Variants in LANCL2 observed in about 807,000 individuals in gnomAD.
LANCL2 encodes LanC like glutathione S-transferase 2.
A neutral mutation model predicts 56.9 loss-of-function variants in LANCL2; 33 were observed. The observed-to-expected ratio is 0.58, with a 90% CI of 0.44 to 0.78. LANCL2 has a LOEUF of 0.78. Ranked by LOEUF, LANCL2 falls within the 30% of genes least tolerant of loss-of-function variation. The probability of loss-of-function intolerance (pLI) is 0.00; values close to 1 mark genes in which losing one functional copy is unlikely to be tolerated. For missense variants in LANCL2, 562 were observed against 580.2 expected (o/e 0.97, Z 0.32); for synonymous variants, 233 against 228.2 (o/e 1.02, Z -0.19).
intron 7 of LANCL2, 72 bp downstream of exon 7, chr7:55,425,502 A>C: frequency 2.9e-6 from 4 of 1,383,192 alleles, no homozygotes; most frequent in Non-Finnish European, 4.1e-6. Flanking sequence ...CCAGAAGTAC[A>C]ACTCCTGTTC....
rs372759179 is a variant in LANCL2 at position 55,430,110 on chromosome 7, T to C, written c.1259-1116T>C. Among the ~76,000 whole-genome samples, 28 of 152,360 alleles carry C rather than the reference T, an allele frequency of 1.8e-4. No individual in the cohort carries two copies. The East Asian group carries it at 3.7e-3, about 20-fold the overall frequency. Reference sequence around the variant, plus strand: ...TCCCCGCAGGGCCTGCTGTAGGGCCTCCTAGGCTTGTTATGGGTCCCTGTT... The same window carrying C: ...TCCCCGCAGGGCCTGCTGTAGGGCCCCCTAGGCTTGTTATGGGTCCCTGTT... On this transcript the variant is annotated intron_variant, in intron 8 of 8. Transcript: ENST00000254770.
At chr7:55,417,041 A>G (rs759505785) in intron 6 of LANCL2, among the ~76,000 whole-genome samples, 13 of 129,114 alleles carry the variant, frequency 1.0e-4, no homozygotes, top group Non-Finnish European at 1.8e-4. Flanking sequence ...GTGCAGTGGC[A>G]CGATCTCTGC....
chr7:55,420,032 C>G (rs763519495), intron 6 of LANCL2, among the ~76,000 whole-genome samples: 7 of 151,948 alleles, frequency 4.6e-5, no homozygotes, highest in Non-Finnish European at 7.4e-5. Flanking sequence ...CCACTGCACT[C>G]TAGCCTAGGT....
intron 6 of LANCL2, among the ~76,000 whole-genome samples, chr7:55,422,379 C>T (rs914152528): frequency 6.6e-6 from 1 of 152,114 alleles, no homozygotes; most frequent in Non-Finnish European, 1.5e-5. Flanking sequence ...CAAGGTCATT[C>T]TTTGCACTAT....
At chr7:55,431,115 C>A in intron 8 of LANCL2, 111 bp from the exon 9 acceptor site, 1 of 681,270 alleles carries the variant, frequency 1.5e-6, no homozygotes, top group Non-Finnish European at 2.4e-6. Context: ...TTAGAGTCCT[C>A]AGCACCTTTC....
intron 6 of LANCL2, among the ~76,000 whole-genome samples, chr7:55,419,232 T>C (rs1790579303): frequency 6.6e-6 from 1 of 152,092 alleles, no homozygotes; most frequent in Non-Finnish European, 1.5e-5. Context: ...TTATTATGAA[T>C]TCAATTTCAT....
chr7:55,402,483 C>T (rs1790347200), intron 5 of LANCL2, among the ~76,000 whole-genome samples: 1 of 145,194 alleles, frequency 6.9e-6, no homozygotes, highest in Non-Finnish European at 1.5e-5. Flanking sequence ...GGGCTCCTCT[C>T]CTCCCAGTAG....
chr7:55,377,487 T>C lies in LANCL2; in HGVS notation c.204+11258T>C, dbSNP rs556674830. 2.3e-3 allele frequency among the ~76,000 whole-genome samples: 348 copies of C among 152,208 alleles called. 1 individual carries two copies. Among genetic ancestry groups the C allele is most frequent in the African/African-American group, 7.4e-3 (308 of 41,540 alleles). On this transcript the variant is annotated intron_variant, in intron 1 of 8. Transcript: ENST00000254770. ...CTATTCCCCCTTCCCCCTCCTCTTC[T>C]GTCTCGTCTTCCCAACCTCCCGTCC...
At chr7:55,382,020 C>T (rs1790074670) in intron 1 of LANCL2, among the ~76,000 whole-genome samples, 1 of 152,058 alleles carries the variant, frequency 6.6e-6, no homozygotes, top group East Asian at 1.9e-4. Context: ...TAGGTAGGTG[C>T]GGGAGGGGAG....
At chr7:55,401,382 T>A in intron 5 of LANCL2, 62 bp downstream of exon 5, 3 of 1,439,862 alleles carry the variant, frequency 2.1e-6, no homozygotes, top group Non-Finnish European at 2.9e-6. Flanking sequence ...GGGAAATGAA[T>A]CCTGCATATA....
chr7:55,397,763 C>T (rs931850067), intron 2 of LANCL2, among the ~76,000 whole-genome samples: 8 of 145,750 alleles, frequency 5.5e-5, no homozygotes, highest in Non-Finnish European at 8.9e-5. Context: ...TGGAGATTCT[C>T]AGATTCATTT....
At chr7:55,366,351 G>C (rs1583736762) in intron 1 of LANCL2, 122 bp downstream of exon 1, 1 of 800,008 alleles carries the variant, frequency 1.2e-6, no homozygotes, top group Non-Finnish European at 1.9e-6. Flanking sequence ...GGATGATAGC[G>C]CCTAGCACCT....
chr7:55,404,238 C>T (rs1790378340), intron 5 of LANCL2, among the ~76,000 whole-genome samples: 1 of 152,108 alleles, frequency 6.6e-6, no homozygotes, highest in Non-Finnish European at 1.5e-5. Flanking sequence ...TCTGCCACCG[C>T]CTCCTCCTCC....
chr7:55,367,963 G>C (rs1562854400), intron 1 of LANCL2, among the ~76,000 whole-genome samples: 1 of 152,040 alleles, frequency 6.6e-6, no homozygotes, highest in South Asian at 2.1e-4. Flanking sequence ...TTTCATTTGT[G>C]ACTTAGTGTT....
chr7:55,407,185 A>T (rs1172274771), intron 5 of LANCL2, among the ~76,000 whole-genome samples: 1 of 152,202 alleles, frequency 6.6e-6, no homozygotes, highest in Non-Finnish European at 1.5e-5. Flanking sequence ...AAAACTGACT[A>T]GGCTCTTTTC....
chr7:55,398,709 C>A, intron 3 of LANCL2, 79 bp downstream of exon 3: 3 of 1,113,168 alleles, frequency 2.7e-6, no homozygotes, highest in Non-Finnish European at 4.0e-6. Context: ...AGAAAGGAAA[C>A]TATTTTTCCA....
At chr7:55,426,256 G>A (rs1790662925) in intron 7 of LANCL2, among the ~76,000 whole-genome samples, 1 of 152,216 alleles carries the variant, frequency 6.6e-6, no homozygotes, top group African/African-American at 2.4e-5. Context: ...ACTTGGAGCA[G>A]TGCATAGCAC....
chr7:55,377,249 T>G (rs1278036337), intron 1 of LANCL2, among the ~76,000 whole-genome samples: 6 of 152,228 alleles, frequency 3.9e-5, no homozygotes, highest in Non-Finnish European at 8.8e-5. Context: ...ACAGAATATG[T>G]GTATATGTTC....
intron 2 of LANCL2, among the ~76,000 whole-genome samples, chr7:55,392,351 C>T (rs1293032486): frequency 1.6e-4 from 22 of 134,318 alleles, no homozygotes; most frequent in African/African-American, 5.5e-4. Flanking sequence ...TTTTTTGAGA[C>T]GGAGTCTCTG....
Sources: gnomAD v4.1 joint callset for allele counts (sites outside exome capture counted in the v4.1 genomes callset) on GRCh38, gnomAD v4.1.1 for gene constraint, MANE v1.5 for transcripts, NCBI Gene and HGNC (gene_info 2026-07-23, HGNC 2026-07-21) for gene names.